Variants in NEK1 observed in about 807,000 individuals in gnomAD.
NEK1 encodes the protein NIMA related kinase 1.
A neutral mutation model predicts 182.1 loss-of-function variants in NEK1; 137 were observed. The ratio of observed to expected loss-of-function variants is 0.75; its 90% CI spans 0.65 to 0.87. The LOEUF is 0.87. NEK1 is among the 40% of genes least tolerant of loss of function. The pLI, the probability that NEK1 is intolerant of heterozygous loss-of-function variation, is 0.00. For synonymous variants in NEK1, 513 were observed against 492.2 expected (o/e 1.04, Z -0.56); for missense variants, 1,391 against 1,494.4 (o/e 0.93, Z 1.14).
In NEK1 at chr4:169,555,802, G is replaced by T. The variant is rs1425970542; in HGVS notation, c.1480C>A (p.His494Asn). The change falls in exon 18 of 36, where the codon CAT becomes AAT. Residue 494 changes from histidine to asparagine, a missense_variant. Physicochemically the swap from His to Asn is moderately conservative, Grantham distance 68. Transcript: ENST00000507142. ...TCATCAGCATCAGGAAAATGGTGATGACCTGCAGCCCCATAAGGAAATCCT... is the reference window on the plus strand; with the variant it reads ...TCATCAGCATCAGGAAAATGGTGATTACCTGCAGCCCCATAAGGAAATCCT... ...RPGFPYGAAG[H>N]HHFPDADDIR... The T allele has an allele frequency of 1.9e-6, 3 of 1,613,814 alleles. No homozygotes were observed. The South Asian group carries it at 3.3e-5, about 18-fold the overall frequency.
intron 12 of NEK1, among the ~76,000 whole-genome samples, chr4:169,566,959 G>A (rs915867600): frequency 1.2e-4 from 19 of 152,130 alleles, no homozygotes; most frequent in Non-Finnish European, 2.4e-4. Context: ...GCTGGGTGTG[G>A]TAGTATGCAC....
intron 27 of NEK1, among the ~76,000 whole-genome samples, chr4:169,454,711 A>G (rs529555740): frequency 6.6e-6 from 1 of 152,358 alleles, no homozygotes; most frequent in South Asian, 2.1e-4. Flanking sequence ...AGAAATAGGA[A>G]CGCTTTTACA....
intron 35 of NEK1, among the ~76,000 whole-genome samples, chr4:169,396,649 T>C (rs1340010749): frequency 6.6e-6 from 1 of 152,170 alleles, no homozygotes; most frequent in African/African-American, 2.4e-5. Context: ...ACCTGCACCA[T>C]AACAGTATCA....
At position 169,547,762 on chromosome 4, in the gene NEK1, G is replaced by A. The variant is rs545068455; in HGVS notation, c.1562+7958C>T. On this transcript the variant is annotated intron_variant, in intron 18 of 35. Coordinates refer to ENST00000507142, the MANE Select transcript of NEK1 (RefSeq NM_001199397.3). The stretch of plus-strand genomic sequence containing the variant: ...ATATCCTTTTCCACTTGATTGATTC[G>A]GCTATTGATACTTGTGTATGCTTCA... 7.8e-4 allele frequency among the ~76,000 whole-genome samples: 118 copies of A among 151,820 alleles called. 1 individual carries two copies. Among genetic ancestry groups the A allele is most frequent in the African/African-American group, 2.6e-3 (108 of 41,422 alleles).
chr4:169,602,030 G>C lies in NEK1; in HGVS notation c.192C>G (p.Val64=). 6.2e-7 allele frequency: 1 copy of C among 1,611,724 alleles called. No individual in the cohort carries two copies. The highest frequency in any genetic ancestry group is 1.1e-5 in the South Asian group (1 of 91,008). Residue 64 remains valine (V), a synonymous_variant, in exon 4 of 36, where the codon GTC becomes GTG. Coordinates refer to ENST00000507142, the MANE Select transcript of NEK1 (RefSeq NM_001199397.3). ...GACCTTCAAATGATTCTCTATACTG[G>C]ACAATATTTGGATGCTTCATGTTTG... ...VLANMKHPNI[V]QYRESFEENG... is the part of the protein sequence containing the mutation.
intron 27 of NEK1, among the ~76,000 whole-genome samples, chr4:169,445,135 T>A (rs1164934083): frequency 2.0e-5 from 3 of 151,618 alleles, no homozygotes; most frequent in African/African-American, 4.8e-5. Flanking sequence ...AACACCCATA[T>A]CACAAAAGGG....
chr4:169,570,323 C>T (rs1466942631), intron 12 of NEK1, among the ~76,000 whole-genome samples: 6 of 151,534 alleles, frequency 4.0e-5, no homozygotes, highest in South Asian at 2.1e-4. Context: ...AAGTGAGGAG[C>T]GTCTCCGCCC....
At chr4:169,600,503 G>T (rs937523784) in intron 4 of NEK1, among the ~76,000 whole-genome samples, 1 of 152,016 alleles carries the variant, frequency 6.6e-6, no homozygotes, top group Admixed American at 6.6e-5. Context: ...CAGCCTCCAG[G>T]AGTATTTATT....
At chr4:169,569,754 G>A (rs1473614510) in intron 12 of NEK1, among the ~76,000 whole-genome samples, 1 of 150,946 alleles carries the variant, frequency 6.6e-6, no homozygotes, top group Admixed American at 6.6e-5. Flanking sequence ...TCGGCCTCCC[G>A]AGGTGCCGGG....
Position 169,438,196 on chromosome 4 carries a change from A to G in NEK1, c.2651T>C (p.Ile884Thr). Residue 884 changes from isoleucine (I) to threonine (T), a missense_variant, in exon 28 of 36, where the codon ATT becomes ACT. Physicochemically the swap from Ile to Thr is moderately conservative, Grantham distance 89. Transcript: ENST00000507142. ...LITGEKKVQC[I>T]SHEINPSAIV... Reference sequence around the variant, plus strand: ...AGCTGATGGGTTTATTTCATGTGAAATACATTGTACTTTTTTTTCTCCAGT... The same window carrying G: ...AGCTGATGGGTTTATTTCATGTGAAGTACATTGTACTTTTTTTTCTCCAGT... The G allele has an allele frequency of 4.4e-6, 7 of 1,589,494 alleles. No individual in the cohort carries two copies. The highest frequency in any genetic ancestry group is 6.0e-6 in the Non-Finnish European group (7 of 1,166,280).
chr4:169,498,693 A>G (rs868818932), intron 23 of NEK1, among the ~76,000 whole-genome samples: 3 of 152,210 alleles, frequency 2.0e-5, no homozygotes, highest in Non-Finnish European at 2.9e-5. Context: ...TGAAATTCTG[A>G]GTTGAAAATT....
intron 23 of NEK1, among the ~76,000 whole-genome samples, chr4:169,495,781 T>G (rs1219922209): frequency 6.6e-6 from 1 of 152,208 alleles, no homozygotes; most frequent in African/African-American, 2.4e-5. Context: ...TTGGTACCAG[T>G]ACCATGCTGT....
intron 26 of NEK1, among the ~76,000 whole-genome samples, chr4:169,476,835 A>C (rs915382691): frequency 6.6e-6 from 1 of 152,108 alleles, no homozygotes; most frequent in Admixed American, 6.6e-5. Flanking sequence ...CATGGTATAC[A>C]GAGTTAAAGT....
rs1744324428 is a variant in NEK1, at chr4:169,463,359, T to C, written c.2471A>G (p.Asn824Ser). ...CCCCCAGGCTCTTCTTGGAGATCCA[T>C]TAGGACCTAATTTAATAACTTCTCC... ...TVGEVIKLGPNGSPRRAWGKS... is the reference protein window; with the variant it reads ...TVGEVIKLGPSGSPRRAWGKS... The change falls in exon 27 of 36, where the codon AAT becomes AGT. Residue 824 changes from asparagine to serine, a missense_variant. Around this residue, in one of 5 missense-constraint regions of NEK1, gnomAD observed 1,216 missense variants for 1,277.6 expected, o/e 0.95. Coordinates refer to ENST00000507142, the MANE Select transcript of NEK1 (RefSeq NM_001199397.3). 1.2e-6 allele frequency: 2 copies of C among 1,609,002 alleles called. No individual in the cohort carries two copies. Among genetic ancestry groups the C allele is most frequent in the Non-Finnish European group, 8.5e-7 (1 of 1,176,858 alleles).
intron 18 of NEK1, among the ~76,000 whole-genome samples, chr4:169,539,020 G>A (rs537972564): frequency 1.3e-5 from 2 of 152,086 alleles, no homozygotes; most frequent in African/African-American, 2.4e-5. Flanking sequence ...ACCTCATGTA[G>A]TACTTAAAAA....
At chr4:169,609,634 C>A (rs189962840) in intron 2 of NEK1, among the ~76,000 whole-genome samples, 107 of 152,040 alleles carry the variant, frequency 7.0e-4, no homozygotes, top group African/African-American at 1.5e-3. Flanking sequence ...CACACATGCA[C>A]CCCTGGCTTG....
At chr4:169,436,245 G>T (rs1422190573) in intron 28 of NEK1, among the ~76,000 whole-genome samples, 1 of 152,184 alleles carries the variant, frequency 6.6e-6, no homozygotes, top group African/African-American at 2.4e-5. Context: ...GGAGTAATTT[G>T]TTTTGCAGCA....
At chr4:169,530,429 T>A (rs546798087) in intron 19 of NEK1, among the ~76,000 whole-genome samples, 1 of 152,130 alleles carries the variant, frequency 6.6e-6, no homozygotes, top group South Asian at 2.1e-4. Flanking sequence ...ATTCAATAAG[T>A]TATATGAGAT....
chr4:169,522,626 C>T (rs1483773820), intron 19 of NEK1, among the ~76,000 whole-genome samples: 1 of 152,208 alleles, frequency 6.6e-6, no homozygotes, highest in Non-Finnish European at 1.5e-5. Flanking sequence ...TGTTCAATCA[C>T]TGCTGCTGCT....
Sources: gnomAD v4.1 joint callset for allele counts (sites outside exome capture counted in the v4.1 genomes callset) on GRCh38, gnomAD v4.1.1 for gene constraint, gnomAD v4.1.1 regional missense constraint, MANE v1.5 for transcripts, NCBI Gene and HGNC (gene_info 2026-07-23, HGNC 2026-07-21) for gene names.